Variants in GLYAT observed in about 807,000 individuals in gnomAD.
GLYAT encodes the protein glycine-N-acyltransferase.
A neutral mutation model predicts 22.8 loss-of-function variants in GLYAT; 25 were observed. That is an observed-to-expected ratio of 1.09 (90% CI 0.80 to 1.53). The LOEUF (loss-of-function observed/expected upper bound fraction) is 1.53. Ranked by LOEUF, GLYAT falls within the 40% of genes most tolerant of loss-of-function variation. The probability of loss-of-function intolerance (pLI) is 0.00; values close to 1 mark genes in which losing one functional copy is unlikely to be tolerated. For missense variants in GLYAT, 411 were observed against 353.9 expected (o/e 1.16, Z -1.29); for synonymous variants, 140 against 122.7 (o/e 1.14, Z -0.93).
chr11:58,716,410 T>C (rs78545279), intron 2 of GLYAT, among the ~76,000 whole-genome samples: 7 of 152,100 alleles, frequency 4.6e-5, no homozygotes, highest in Non-Finnish European at 8.8e-5. Context: ...GAAATACTGA[T>C]GTTAGACTAG....
chr11:58,710,281 C>T, intron 5 of GLYAT, 113 bp from the exon 6 acceptor site: 2 of 1,446,730 alleles, frequency 1.4e-6, no homozygotes, highest in South Asian at 1.5e-5. Context: ...AATGTGAAGT[C>T]CTGGAATATA....
intron 4 of GLYAT, among the ~76,000 whole-genome samples, chr11:58,711,860 G>A (rs564941248): frequency 1.3e-5 from 2 of 152,336 alleles, no homozygotes; most frequent in East Asian, 3.9e-4. Flanking sequence ...CCCCATTGGG[G>A]CTTTCCCTTT....
intron 2 of GLYAT, 25 bp from the exon 3 acceptor site, chr11:58,715,448 G>A: frequency 9.4e-7 from 1 of 1,060,866 alleles, no homozygotes; most frequent in Non-Finnish European, 1.4e-6. Flanking sequence ...GAAATTGACA[G>A]GGTTGGTTTA....
At chr11:58,722,324 G>A (rs1856760264) in intron 2 of GLYAT, among the ~76,000 whole-genome samples, 1 of 152,066 alleles carries the variant, frequency 6.6e-6, no homozygotes. Flanking sequence ...ACTTTGCCAA[G>A]GTTGAGGATG....
intron 2 of GLYAT, 24 bp downstream of exon 2, chr11:58,724,392 C>T (rs755147733): frequency 1.5e-6 from 2 of 1,344,244 alleles, no homozygotes; most frequent in South Asian, 2.4e-5. Context: ...CTTCTTTACT[C>T]CTCTCAGAAT....
At chr11:58,730,125 C>T (rs1856857469) in intron 1 of GLYAT, among the ~76,000 whole-genome samples, 1 of 152,116 alleles carries the variant, frequency 6.6e-6, no homozygotes, top group Non-Finnish European at 1.5e-5. Context: ...ATCTTTGATC[C>T]TGGTCCAGTT....
chr11:58,729,650 T>C (rs538263067), intron 1 of GLYAT, among the ~76,000 whole-genome samples: 1 of 152,318 alleles, frequency 6.6e-6, no homozygotes, highest in East Asian at 1.9e-4. Context: ...TTTCCAAAAG[T>C]ATAGAGACAT....
chr11:58,722,748 C>T (rs499891), intron 2 of GLYAT, among the ~76,000 whole-genome samples: 142,749 of 152,138 alleles, frequency 0.94, 67,196 homozygotes, highest in Middle Eastern at 0.99. Flanking sequence ...CAGAACATAG[C>T]GAGGCAGCTG....
intron 1 of GLYAT, among the ~76,000 whole-genome samples, chr11:58,725,025 C>T (rs1423381184): frequency 6.6e-6 from 1 of 152,100 alleles, no homozygotes; most frequent in Non-Finnish European, 1.5e-5. Flanking sequence ...TACCACCACT[C>T]CTCTTTTCCT....
At chr11:58,728,867 AAAG>A (rs1856838104) in intron 1 of GLYAT, 1 of 102,116 alleles carries the variant, frequency 9.8e-6, no homozygotes, top group Non-Finnish European at 2.1e-5. Context: ...AGAAAGAAAG[AAAG>A]AAAGAAAGAA....
At chr11:58,711,893 A>G (rs940926922) in intron 4 of GLYAT, among the ~76,000 whole-genome samples, 1 of 152,350 alleles carries the variant, frequency 6.6e-6, no homozygotes, top group African/African-American at 2.4e-5. Context: ...GGTTAAGACC[A>G]ATTATGTTAA....
chr11:58,730,832 C>T (rs564237616), intron 1 of GLYAT, among the ~76,000 whole-genome samples: 1 of 152,146 alleles, frequency 6.6e-6, no homozygotes, highest in African/African-American at 2.4e-5. Flanking sequence ...CAAGTCTGAA[C>T]AAAATCTCTA....
Position 58,709,741 on chromosome 11 carries a change from C to T in GLYAT, c.*25G>A. 1.3e-6 allele frequency: 2 copies of T among 1,585,074 alleles called. No homozygotes were observed. Among genetic ancestry groups the T allele is most frequent in the Non-Finnish European group, 8.6e-7 (1 of 1,163,856 alleles). On this transcript the variant is annotated 3_prime_UTR_variant, in exon 6 of 6. Coordinates refer to ENST00000344743, the MANE Select transcript of GLYAT (RefSeq NM_201648.3). ...AAATTATACGCCCAGACCTGCCCAACACTGTCTTATGTTCAGGATTGGCAT... is the reference window on the plus strand; with the variant it reads ...AAATTATACGCCCAGACCTGCCCAATACTGTCTTATGTTCAGGATTGGCAT...
At chr11:58,721,039 C>T (rs1227784616) in intron 2 of GLYAT, among the ~76,000 whole-genome samples, 1 of 151,800 alleles carries the variant, frequency 6.6e-6, no homozygotes, top group Non-Finnish European at 1.5e-5. Context: ...AATTAGAACA[C>T]TTTATATATT....
intron 4 of GLYAT, among the ~76,000 whole-genome samples, chr11:58,712,276 A>G (rs558274): frequency 0.69 from 105,589 of 152,044 alleles, 38,062 homozygotes; most frequent in Middle Eastern, 0.9. Context: ...TCATTTTTAT[A>G]TATGAGGAAC....
chr11:58,720,105 T>C (rs559889663), intron 2 of GLYAT, among the ~76,000 whole-genome samples: 2 of 152,160 alleles, frequency 1.3e-5, no homozygotes, highest in South Asian at 2.1e-4. Flanking sequence ...TATCTTTTTT[T>C]AGTCCTAGTC....
At chr11:58,724,359 C>A in intron 2 of GLYAT, 57 bp downstream of exon 2, 1 of 913,606 alleles carries the variant, frequency 1.1e-6, no homozygotes, top group South Asian at 1.5e-5. Context: ...GTCCCTTTCC[C>A]TCCTCTTTCA....
At chr11:58,711,828 A>G (rs1353251783) in intron 4 of GLYAT, among the ~76,000 whole-genome samples, 1 of 152,230 alleles carries the variant, frequency 6.6e-6, no homozygotes, top group African/African-American at 2.4e-5. Context: ...ATTTAATGCA[A>G]GGAGAGGCTT....
intron 5 of GLYAT, 63 bp downstream of exon 5, chr11:58,710,527 G>A: frequency 1.7e-6 from 2 of 1,197,988 alleles, no homozygotes; most frequent in South Asian, 1.2e-5. Flanking sequence ...TGAATGCAGG[G>A]AGAGAAGTTG....
Sources: gnomAD v4.1 joint callset for allele counts (sites outside exome capture counted in the v4.1 genomes callset) on GRCh38, gnomAD v4.1.1 for gene constraint, MANE v1.5 for transcripts, NCBI Gene and HGNC (gene_info 2026-07-23, HGNC 2026-07-21) for gene names.